The following ONECUT3 variants were observed in gnomAD, a reference collection of about 807,000 sequenced individuals.
The protein encoded by ONECUT3 is one cut homeobox 3.
In ONECUT3, 11 loss-of-function variants were observed where a neutral mutation model predicts 16.8. That is an observed-to-expected ratio of 0.66 (90% CI 0.41 to 1.09). ONECUT3 has a LOEUF of 1.09. ONECUT3 is among the 50% of genes least tolerant of loss of function. The pLI is 0.00. For synonymous variants in ONECUT3, 344 were observed against 310.7 expected (o/e 1.11, Z -1.13); for missense variants, 637 against 629.9 (o/e 1.01, Z -0.12).
At chr19:1,775,126 G>GGCCCCCCCCCCCCCCCCCCCCCCCC in intron 1 of ONECUT3, 27 bp from the exon 2 acceptor site, 1 of 1,143,898 alleles carries the variant, frequency 8.7e-7, no homozygotes, top group Non-Finnish European at 1.2e-6. Flanking sequence ...TGTCCCGCTC[G>GGCCCCCCCCCCCCCCCCCCCCCCCC]CCCGCCCGCC....
At chr19:1,756,680 C>T (rs1987908) in intron 1 of ONECUT3, among the ~76,000 whole-genome samples, 42,826 of 150,428 alleles carry the variant, frequency 0.28, 6,699 homozygotes, top group Non-Finnish European at 0.36. Flanking sequence ...CAGACGCCCG[C>T]CACCACGCCT....
In ONECUT3 at chr19:1,778,459, C is replaced by T. The variant is rs1189205823; in HGVS notation, c.*3014C>T. On this transcript the variant is annotated 3_prime_UTR_variant, in exon 2 of 2. Coordinates refer to ENST00000382349, the MANE Select transcript of ONECUT3 (RefSeq NM_001080488.2). The stretch of plus-strand genomic sequence containing the variant: ...TGATCCAAGAGAATCACGCTGCAGC[C>T]CTGGCCCAGTGAGCTTCTTAGAAAA... The T allele has an allele frequency of 6.6e-6, 1 of 152,140 alleles. No homozygotes were observed. Among genetic ancestry groups the T allele is most frequent in the East Asian group, 1.9e-4 (1 of 5,184 alleles). 9.4% of individuals were successfully genotyped at this position (152,140 alleles called of 1,614,324 possible). A position where few individuals can be genotyped will look rare whatever the true frequency, so the allele number is the denominator to read the frequency against.
Position 1,754,991 on chromosome 19 carries a change from T to A in ONECUT3, c.1192+137T>A, listed in dbSNP as rs2067909319. The stretch of plus-strand genomic sequence containing the variant: ...CGCCCCGGCAGCCCGGGACCCCCTA[T>A]CAGGAAGCTAGACCGCGATCCGCGC... On this transcript the variant is annotated intron_variant, in intron 1 of 1. Transcript: ENST00000382349. This position sits in a 1 kb window ranked among gnomAD's most constrained non-coding sequence, Gnocchi z 7.4. 8.5e-7 allele frequency: 1 copy of A among 1,175,500 alleles called. No homozygotes were observed. Among genetic ancestry groups the A allele is most frequent in the Non-Finnish European group, 1.1e-6 (1 of 923,570 alleles). 72.8% of individuals were successfully genotyped at this position (1,175,500 alleles called of 1,614,324 possible).
rs1475282874 is a variant in ONECUT3, at chr19:1,753,876, G to A, written c.214G>A (p.Gly72Ser). 3 of 977,960 alleles carry A rather than the reference G, an allele frequency of 3.1e-6. No homozygotes were observed. The East Asian group carries it at 3.5e-4, about 114-fold the overall frequency. The allele number at this position is 977,960 out of a possible 1,614,324, so 60.6% of individuals were successfully genotyped here. ...GGGCGCCGGGGGCGCGGGCGGCGCG[G>A]GCAGCGCGGGCGGCGGCGCGGACTT... ...GGGAGGAGGA[G>S]SAGGGADFRG... Residue 72 changes from glycine to serine, a missense_variant, in exon 1 of 2, where the codon GGC becomes AGC. Physicochemically the swap from Gly to Ser is moderately conservative, Grantham distance 56. Transcript: ENST00000382349.
At position 1,774,012 on chromosome 19, in the gene ONECUT3, G is replaced by A. The variant is rs114471509; in HGVS notation, c.1193-1141G>A. Among the ~76,000 whole-genome samples, 1,354 of 152,276 alleles carry A rather than the reference G, an allele frequency of 8.9e-3. 30 individuals are homozygous for A. The highest frequency in any genetic ancestry group is 0.031 in the African/African-American group (1,300 of 41,538). On this transcript the variant is annotated intron_variant, in intron 1 of 1. Transcript: ENST00000382349. The stretch of plus-strand genomic sequence containing the variant: ...CTTCAGCCCTCTCCGTGATCTGTGC[G>A]GGCTGACCAAGAGGAAGGGTGACCT...
intron 1 of ONECUT3, among the ~76,000 whole-genome samples, chr19:1,757,379 T>C (rs2067922018): frequency 6.6e-6 from 1 of 152,122 alleles, no homozygotes; most frequent in South Asian, 2.1e-4. Context: ...GCTCTGGGAG[T>C]CTGGGTTTCC....
At position 1,753,919 on chromosome 19, in the gene ONECUT3, G is replaced by C. The variant is rs978392863; in HGVS notation, c.257G>C (p.Gly86Ala). Residue 86 changes from glycine (G) to alanine (A), a missense_variant, in exon 1 of 2, where the codon GGC becomes GCC. By Grantham distance (60) the Gly-to-Ala change is moderately conservative. This residue lies in a region of ONECUT3 where 419 missense variants were observed against 377.9 expected (regional missense o/e 1.11). Coordinates refer to ENST00000382349, the MANE Select transcript of ONECUT3 (RefSeq NM_001080488.2). ...GCGGACTTCCGCGGGGAACTGGCGG[G>C]CCCGCTGCACCCGGCAATGGGCATG... Reference protein sequence around the residue: ...GGADFRGELAGPLHPAMGMAC... With the variant: ...GGADFRGELAAPLHPAMGMAC... The C allele has an allele frequency of 1.0e-6, 1 of 984,454 alleles. No individual in the cohort carries two copies. Among genetic ancestry groups the C allele is most frequent in the East Asian group, 1.1e-4 (1 of 8,812 alleles). 61.0% of individuals were successfully genotyped at this position (984,454 alleles called of 1,614,324 possible).
At position 1,764,551 on chromosome 19, in the gene ONECUT3, T is replaced by A. The variant is rs2067967738; in HGVS notation, c.1192+9697T>A. Among the ~76,000 whole-genome samples, 1 of 148,490 alleles carries A rather than the reference T, an allele frequency of 6.7e-6. No individual in the cohort carries two copies. The highest frequency in any genetic ancestry group is 1.5e-5 in the Non-Finnish European group (1 of 67,056). On this transcript the variant is annotated intron_variant, in intron 1 of 1. Transcript: ENST00000382349. The surrounding 1 kb of genome is among the most constrained non-coding windows in gnomAD (Gnocchi z 5.0). ...GGGTAAGCCACCCAGAGTGGAGGGG[T>A]AGTGGGAACAGAGTGGGGCCAGATG...
intron 1 of ONECUT3, among the ~76,000 whole-genome samples, chr19:1,768,537 G>A (rs1396851407): frequency 1.3e-5 from 2 of 152,162 alleles, no homozygotes; most frequent in Admixed American, 6.5e-5. Context: ...GGGTCCCAGA[G>A]CAAGCTTGAC....
rs1035394567 is a variant in ONECUT3, at chr19:1,755,515, C to G, written c.1192+661C>G. ...GCGGGGGAGGGGCGGCCCCGGGGAC[C>G]CTCGGCCCGCGCCGCCCGGAGGCCT... On this transcript the variant is annotated intron_variant, in intron 1 of 1. Coordinates refer to ENST00000382349, the MANE Select transcript of ONECUT3 (RefSeq NM_001080488.2). The surrounding 1 kb of genome is among the most constrained non-coding windows in gnomAD (Gnocchi z 7.5). Among the ~76,000 whole-genome samples the G allele has an allele frequency of 2.0e-5, 3 of 151,882 alleles. No individual in the cohort carries two copies. Among genetic ancestry groups the G allele is most frequent in the Middle Eastern group, 3.2e-3 (1 of 314 alleles).
rs749119662 is a variant in ONECUT3, at chr19:1,754,795, G to T, written c.1133G>T (p.Arg378Met). Residue 378 changes from arginine (R) to methionine (M), a missense_variant, in exon 1 of 2, where the codon AGG becomes ATG. This residue lies in a region of ONECUT3 where 183 missense variants were observed against 188.3 expected (regional missense o/e 0.97). Transcript: ENST00000382349. The surrounding 1 kb of genome is among the most constrained non-coding windows in gnomAD (Gnocchi z 7.4). ...KLKSGRETFR[R>M]MWKWLQEPEF... Reference sequence around the variant, plus strand: ...AAATCCGGCCGCGAGACCTTCCGCAGGATGTGGAAGTGGCTGCAGGAGCCA... The same window carrying T: ...AAATCCGGCCGCGAGACCTTCCGCATGATGTGGAAGTGGCTGCAGGAGCCA... 6.4e-7 allele frequency: 1 copy of T among 1,561,192 alleles called. No individual in the cohort carries two copies. The highest frequency in any genetic ancestry group is 2.5e-5 in the East Asian group (1 of 39,798).
At position 1,769,196 on chromosome 19, in the gene ONECUT3, G is replaced by A. The variant is rs147395880; in HGVS notation, c.1193-5957G>A. Among the ~76,000 whole-genome samples the A allele has an allele frequency of 2.6e-3, 395 of 151,522 alleles. 2 individuals carry two copies. Among genetic ancestry groups the A allele is most frequent in the African/African-American group, 9.1e-3 (376 of 41,280 alleles). On this transcript the variant is annotated intron_variant, in intron 1 of 1. Transcript: ENST00000382349. ...GGTGCTGGAGGTGGAGGTGATGGAG[G>A]TGGAGGTGGTGAAGGAAGAGGTGAT...
chr19:1,760,587 A>G (rs1288235807), intron 1 of ONECUT3, among the ~76,000 whole-genome samples: 3 of 151,548 alleles, frequency 2.0e-5, no homozygotes, highest in Admixed American at 6.6e-5. Context: ...TCCTCCAAGT[A>G]TGATGATGTT....
At chr19:1,771,197 C>T (rs1359171668) in intron 1 of ONECUT3, among the ~76,000 whole-genome samples, 1 of 152,192 alleles carries the variant, frequency 6.6e-6, no homozygotes, top group Non-Finnish European at 1.5e-5. Flanking sequence ...GGGCTGCCCT[C>T]CATACCCTGG....
chr19:1,760,071 C>T (rs2067938746), intron 1 of ONECUT3, among the ~76,000 whole-genome samples: 1 of 152,022 alleles, frequency 6.6e-6, no homozygotes, highest in Non-Finnish European at 1.5e-5. Flanking sequence ...TGGATGCCCA[C>T]AGCCCTTCCC....
At position 1,754,256 on chromosome 19, in the gene ONECUT3, G is replaced by T. The variant is rs1489232708; in HGVS notation, c.594G>T (p.Pro198=). Residue 198 remains proline (P), a synonymous_variant, in exon 1 of 2, where the codon CCG becomes CCT. Coordinates refer to ENST00000382349, the MANE Select transcript of ONECUT3 (RefSeq NM_001080488.2). The surrounding 1 kb of genome is among the most constrained non-coding windows in gnomAD (Gnocchi z 7.4). The part of the protein sequence containing the change: ...YGKELPAMGS[P]LSPLPNALPP... ...AGGAGCTGCCCGCCATGGGGTCGCC[G>T]CTGTCGCCGCTGCCCAACGCGCTGC... The T allele has an allele frequency of 9.4e-7, 1 of 1,066,836 alleles. No homozygotes were observed. The highest frequency in any genetic ancestry group is 1.1e-6 in the Non-Finnish European group (1 of 885,264). The allele number at this position is 1,066,836 out of a possible 1,614,324, so 66.1% of individuals were successfully genotyped here.
chr19:1,761,491 C>T (rs1207386148), intron 1 of ONECUT3, among the ~76,000 whole-genome samples: 1 of 152,210 alleles, frequency 6.6e-6, no homozygotes, highest in African/African-American at 2.4e-5. Flanking sequence ...CTGTGGTGGC[C>T]TACAGTGCCT....
chr19:1,761,254 C>T (rs1488877742), intron 1 of ONECUT3, among the ~76,000 whole-genome samples: 2 of 151,978 alleles, frequency 1.3e-5, no homozygotes, highest in African/African-American at 4.8e-5. Context: ...GGTTTCACCA[C>T]GTTGACCAGG....
chr19:1,753,610 T>G lies in ONECUT3; in HGVS notation c.-53T>G. The G allele has an allele frequency of 1.4e-6, 1 of 693,854 alleles. No homozygotes were observed. The highest frequency in any genetic ancestry group is 1.8e-6 in the Non-Finnish European group (1 of 552,132). 43.0% of individuals were successfully genotyped at this position (693,854 alleles called of 1,614,324 possible). The stretch of plus-strand genomic sequence containing the variant: ...GCGGGCGGGAGTCATGCAGCGGCCT[T>G]GAGCACTAGGGGCCGGCGCTGAGGA... On this transcript the variant is annotated 5_prime_UTR_variant, in exon 1 of 2. An upstream open reading frame in the 5' UTR loses its in-frame stop. Coordinates refer to ENST00000382349, the MANE Select transcript of ONECUT3 (RefSeq NM_001080488.2).
Sources: allele counts gnomAD v4.1 joint callset (sites outside exome capture counted in the v4.1 genomes callset), GRCh38; gene constraint gnomAD v4.1.1; regional missense constraint gnomAD v4.1.1; non-coding constraint Gnocchi (gnomAD v3.1); transcripts MANE v1.5; gene names NCBI Gene and HGNC (gene_info 2026-07-23, HGNC 2026-07-21).